The following GNG4 variants were observed in gnomAD, a reference collection of about 807,000 sequenced individuals.
GNG4 encodes the protein G protein subunit gamma 4.
GNG4 carries 4 observed loss-of-function variants against 5.8 expected under a neutral mutation model. The ratio of observed to expected loss-of-function variants is 0.69; its 90% CI spans 0.34 to 1.57. The LOEUF is 1.57. Among genes scored for constraint, GNG4 ranks in the 40% most tolerant of loss-of-function variants. The pLI, the probability that GNG4 is intolerant of heterozygous loss-of-function variation, is 0.06. For synonymous variants in GNG4, 29 were observed against 32.9 expected, an observed-to-expected ratio of 0.88 and a Z score of 0.41; for missense variants, 96 against 95.1, an observed-to-expected ratio of 1.01 and a Z score of -0.04.
At chr1:235,584,565 A>G (rs1440798173) in intron 2 of GNG4, among the ~76,000 whole-genome samples, 1 of 152,192 alleles carries the variant, frequency 6.6e-6, no homozygotes, top group Non-Finnish European at 1.5e-5. Flanking sequence ...CCCTATCCCA[A>G]GCATAGATTT....
rs554934738 is a variant in GNG4 at position 235,639,071 on chromosome 1, C to T, written c.-123+10591G>A. On this transcript the variant is annotated intron_variant, in intron 1 of 3. Coordinates refer to ENST00000391854, the MANE Select transcript of GNG4 (RefSeq NM_001098722.2). ...AAGCCAGCCCAGCAGCATCCCCCAC[C>T]TTCTCTCTCAGATGCGCCTATCTTC... Among the ~76,000 whole-genome samples the T allele has an allele frequency of 3.9e-5, 6 of 152,342 alleles. No homozygotes were observed. In the South Asian group the frequency reaches 1.2e-3, roughly 32 times the overall value.
intron 2 of GNG4, among the ~76,000 whole-genome samples, chr1:235,587,537 C>G (rs1230301965): frequency 6.7e-3 from 13 of 1,934 alleles, no homozygotes; most frequent in South Asian, 0.021. Flanking sequence ...GGGTGTGTGT[C>G]AGGGTGTGGG....
intron 2 of GNG4, among the ~76,000 whole-genome samples, chr1:235,591,509 C>A (rs1687962565): frequency 6.6e-6 from 1 of 152,172 alleles, no homozygotes; most frequent in Admixed American, 6.5e-5. Context: ...TGGCCAGGTA[C>A]CCTTTAGGCT....
intron 1 of GNG4, among the ~76,000 whole-genome samples, chr1:235,638,085 C>A (rs1657183854): frequency 6.6e-6 from 1 of 152,238 alleles, no homozygotes. Flanking sequence ...CTCCGATAAG[C>A]CCCAGCTGCT....
chr1:235,560,774 T>C (rs1687040591), intron 3 of GNG4, among the ~76,000 whole-genome samples: 1 of 152,226 alleles, frequency 6.6e-6, no homozygotes, highest in South Asian at 2.1e-4. Context: ...TTCTACTCTT[T>C]CATTTAATCC....
At chr1:235,621,402 C>T (rs1472812060) in intron 1 of GNG4, among the ~76,000 whole-genome samples, 2 of 150,608 alleles carry the variant, frequency 1.3e-5, no homozygotes, top group Admixed American at 1.3e-4. Flanking sequence ...AGCGATCCTC[C>T]CACCTCAGCC....
chr1:235,570,394 C>CT (rs11459490), intron 3 of GNG4, among the ~76,000 whole-genome samples: 67,218 of 105,534 alleles, frequency 0.64, 22,695 homozygotes, highest in East Asian at 0.86. Context: ...TTCACCTCTT[C>CT]TTTTTTTTTT....
intron 3 of GNG4, among the ~76,000 whole-genome samples, chr1:235,565,126 G>C (rs182122163): frequency 7.2e-4 from 109 of 152,308 alleles, no homozygotes; most frequent in African/African-American, 2.5e-3. Flanking sequence ...GTCCAGAGGA[G>C]GCAGGAGACC....
At chr1:235,578,426 T>C (rs956668040) in intron 3 of GNG4, among the ~76,000 whole-genome samples, 18 of 152,200 alleles carry the variant, frequency 1.2e-4, no homozygotes, top group Non-Finnish European at 2.4e-4. Context: ...CTACTAGGTA[T>C]ATAACCCGAG....
At chr1:235,596,099 G>T (rs557141009) in intron 1 of GNG4, among the ~76,000 whole-genome samples, 6 of 152,118 alleles carry the variant, frequency 3.9e-5, no homozygotes, top group Non-Finnish European at 8.8e-5. Flanking sequence ...GTGTGAACCC[G>T]GGAGGCGGAG....
chr1:235,613,116 T>TGG (rs201000139), intron 1 of GNG4, among the ~76,000 whole-genome samples: 1 of 146,658 alleles, frequency 6.8e-6, no homozygotes, highest in African/African-American at 2.5e-5. Flanking sequence ...TTTGGAGGGG[T>TGG]GGGGGGGTCA....
chr1:235,570,757 G>A (rs1242210870), intron 3 of GNG4, among the ~76,000 whole-genome samples: 1 of 151,446 alleles, frequency 6.6e-6, no homozygotes, highest in African/African-American at 2.4e-5. Context: ...GTGCAGCGCC[G>A]CAATCTCGGC....
intron 1 of GNG4, among the ~76,000 whole-genome samples, chr1:235,640,718 G>T (rs183042074): frequency 6.6e-6 from 1 of 152,260 alleles, no homozygotes; most frequent in Non-Finnish European, 1.5e-5. Flanking sequence ...CTTCGGACCT[G>T]AGGGTCTCTG....
At chr1:235,582,457 C>T (rs966235307) in intron 3 of GNG4, among the ~76,000 whole-genome samples, 6 of 152,202 alleles carry the variant, frequency 3.9e-5, no homozygotes, top group African/African-American at 9.7e-5. Context: ...CTGAGCCATA[C>T]GGAGGAGACT....
chr1:235,562,983 TA>T (rs1687105677), intron 3 of GNG4, among the ~76,000 whole-genome samples: 1 of 152,238 alleles, frequency 6.6e-6, no homozygotes, highest in Admixed American at 6.5e-5. Flanking sequence ...TCTGATAATC[TA>T]AATTAGTTTT....
chr1:235,639,225 A>G (rs1348190215), intron 1 of GNG4, among the ~76,000 whole-genome samples: 1 of 152,244 alleles, frequency 6.6e-6, no homozygotes, highest in Non-Finnish European at 1.5e-5. Flanking sequence ...CAGATTCACA[A>G]GTTCCAAGGA....
At chr1:235,635,926 TG>T (rs1689027714) in intron 1 of GNG4, among the ~76,000 whole-genome samples, 1 of 152,252 alleles carries the variant, frequency 6.6e-6, no homozygotes, top group African/African-American at 2.4e-5. Context: ...GCAGTGGCTC[TG>T]AAGGCCCACC....
At chr1:235,570,303 C>G (rs1480895026) in intron 3 of GNG4, among the ~76,000 whole-genome samples, 1 of 151,950 alleles carries the variant, frequency 6.6e-6, no homozygotes, top group Admixed American at 6.6e-5. Flanking sequence ...ATGTGTGCCA[C>G]TCTCCACTCT....
rs145953965 is a variant in GNG4 at position 235,583,309 on chromosome 1, C to T, written c.99+431G>A. Reference sequence around the variant, plus strand: ...TGTCTGGAACCTTTCTTCATTTTCACCAAAGGAATATTTGACACACCCAGG... The same window carrying T: ...TGTCTGGAACCTTTCTTCATTTTCATCAAAGGAATATTTGACACACCCAGG... On this transcript the variant is annotated intron_variant, in intron 3 of 3. Transcript: ENST00000391854. 8.7e-4 allele frequency among the ~76,000 whole-genome samples: 132 copies of T among 152,240 alleles called. 1 individual carries two copies. The East Asian group carries it at 0.02, about 23-fold the overall frequency.
Sources: gnomAD v4.1 joint callset for allele counts (sites outside exome capture counted in the v4.1 genomes callset) on GRCh38, gnomAD v4.1.1 for gene constraint, MANE v1.5 for transcripts, NCBI Gene and HGNC (gene_info 2026-07-23, HGNC 2026-07-21) for gene names.